Variants in KCNJ6 observed in about 807,000 individuals in gnomAD.
KCNJ6 encodes potassium inwardly rectifying channel subfamily J member 6.
In KCNJ6, 9 loss-of-function variants were observed where a neutral mutation model predicts 34.2. The observed-to-expected ratio is 0.26, with a 90% CI of 0.16 to 0.46. The LOEUF is 0.46. Ranked by LOEUF, KCNJ6 falls within the 20% of genes least tolerant of loss-of-function variation. The pLI is 1.00. For missense variants in KCNJ6, 236 were observed against 531.3 expected (o/e 0.44, Z 5.46); for synonymous variants, 196 against 207.1 (o/e 0.95, Z 0.46).
chr21:37,764,312 C>T (rs562452395), intron 2 of KCNJ6, among the ~76,000 whole-genome samples: 4 of 151,596 alleles, frequency 2.6e-5, no homozygotes, highest in African/African-American at 9.7e-5. Flanking sequence ...GGAAGCATGA[C>T]AGATGGAGGG....
chr21:37,912,898 T>G (rs1023662775), intron 1 of KCNJ6, among the ~76,000 whole-genome samples: 1 of 152,194 alleles, frequency 6.6e-6, no homozygotes, highest in Non-Finnish European at 1.5e-5. Flanking sequence ...TTGTTTACCA[T>G]TAAAAATAAC....
intron 2 of KCNJ6, among the ~76,000 whole-genome samples, chr21:37,806,882 T>C (rs1306637933): frequency 2.6e-5 from 4 of 152,244 alleles, no homozygotes; most frequent in South Asian, 2.1e-4. Context: ...ATTCAGTTTT[T>C]TTCAGTGAAG....
intron 2 of KCNJ6, among the ~76,000 whole-genome samples, chr21:37,798,064 G>A (rs985251792): frequency 6.6e-6 from 1 of 152,208 alleles, no homozygotes; most frequent in African/African-American, 2.4e-5. Flanking sequence ...TCTATACTGA[G>A]CATTGGTGCT....
rs1278894036 is a variant in KCNJ6 at position 37,609,055 on chromosome 21, C to T, written c.*16104G>A. 6.6e-6 allele frequency: 1 copy of T among 152,184 alleles called. No individual in the cohort carries two copies. Among genetic ancestry groups the T allele is most frequent in the Admixed American group, 6.5e-5 (1 of 15,276 alleles). 9.4% of individuals were successfully genotyped at this position (152,184 alleles called of 1,614,324 possible). A position where few individuals can be genotyped will look rare whatever the true frequency, so the allele number is the denominator to read the frequency against. On this transcript the variant is annotated 3_prime_UTR_variant, in exon 4 of 4. Coordinates refer to ENST00000609713, the MANE Select transcript of KCNJ6 (RefSeq NM_002240.5). ...CTTGAAAATGGAACACTTTATTTCT[C>T]TGTAGGATGTGAGCATTTGATAAAG...
intron 1 of KCNJ6, among the ~76,000 whole-genome samples, chr21:37,850,883 T>C (rs1354079649): frequency 1.3e-5 from 2 of 152,142 alleles, no homozygotes; most frequent in Non-Finnish European, 2.9e-5. Context: ...TAGGGAAGCT[T>C]AGGGTTATGC....
At chr21:37,796,819 C>A (rs1481744446) in intron 2 of KCNJ6, among the ~76,000 whole-genome samples, 6 of 105,900 alleles carry the variant, frequency 5.7e-5, no homozygotes, top group African/African-American at 2.3e-4. Flanking sequence ...CGGAGTCTTG[C>A]TCTGTCGCCC....
chr21:37,636,217 C>T (rs944795091), intron 3 of KCNJ6, among the ~76,000 whole-genome samples: 2 of 152,206 alleles, frequency 1.3e-5, no homozygotes, highest in Non-Finnish European at 2.9e-5. Context: ...ATCTTCTTTA[C>T]TCACTTCAGA....
At chr21:37,827,860 C>T (rs530310267) in intron 2 of KCNJ6, among the ~76,000 whole-genome samples, 60 of 152,170 alleles carry the variant, frequency 3.9e-4, no homozygotes, top group Admixed American at 9.8e-4. Flanking sequence ...TACATATTAG[C>T]ACACATGTGC....
chr21:37,642,560 TG>T (rs1569435828), intron 3 of KCNJ6, among the ~76,000 whole-genome samples: 2 of 151,602 alleles, frequency 1.3e-5, no homozygotes, highest in Non-Finnish European at 2.9e-5. Flanking sequence ...GGTGAGGAGG[TG>T]GGAAGTCAAT....
intron 2 of KCNJ6, among the ~76,000 whole-genome samples, chr21:37,745,233 C>T (rs2054962272): frequency 6.6e-6 from 1 of 151,828 alleles, no homozygotes; most frequent in African/African-American, 2.4e-5. Flanking sequence ...TAGCTGGGAC[C>T]ACAGGTGTGC....
intron 3 of KCNJ6, among the ~76,000 whole-genome samples, chr21:37,696,680 T>C (rs1472918098): frequency 6.6e-6 from 1 of 152,194 alleles, no homozygotes; most frequent in Non-Finnish European, 1.5e-5. Flanking sequence ...TCAGATTAGA[T>C]ATAGTAGCAT....
intron 3 of KCNJ6, among the ~76,000 whole-genome samples, chr21:37,628,812 G>T (rs2054321794): frequency 1.3e-5 from 2 of 152,144 alleles, no homozygotes; most frequent in Admixed American, 1.3e-4. Context: ...CTCATTACAT[G>T]CAAGTGATTT....
intron 3 of KCNJ6, among the ~76,000 whole-genome samples, chr21:37,670,908 GT>G (rs34400796): frequency 0.98 from 148,880 of 152,322 alleles, 72,797 homozygotes; most frequent in East Asian, 1. Context: ...CACTTCCTTG[GT>G]TTGAACTTAG....
chr21:37,761,736 CGTGT>C (rs769953879), intron 2 of KCNJ6, among the ~76,000 whole-genome samples: 1 of 143,896 alleles, frequency 6.9e-6, no homozygotes, highest in Non-Finnish European at 1.5e-5. Flanking sequence ...TGGTGTGTGT[CGTGT>C]GTGTGGTATG....
chr21:37,860,833 A>G (rs2123602045), intron 1 of KCNJ6, among the ~76,000 whole-genome samples: 1 of 152,142 alleles, frequency 6.6e-6, no homozygotes. Context: ...TCACTTCCCA[A>G]TGTTTTCCCT....
At chr21:37,809,201 A>C (rs926555895) in intron 2 of KCNJ6, among the ~76,000 whole-genome samples, 12 of 152,330 alleles carry the variant, frequency 7.9e-5, no homozygotes, top group East Asian at 1.9e-4. Context: ...AGCCATAAAA[A>C]ATGATGAGTT....
chr21:37,683,906 A>G (rs766856197), intron 3 of KCNJ6, among the ~76,000 whole-genome samples: 4 of 152,198 alleles, frequency 2.6e-5, no homozygotes, highest in Non-Finnish European at 5.9e-5. Flanking sequence ...AGTGGGCAGG[A>G]GGCCAGGCAT....
Position 37,863,846 on chromosome 21 carries a change from G to GTTTTTTTT in KCNJ6, c.-27-23145_-27-23138dup, listed in dbSNP as rs772060420. 2.4e-3 allele frequency among the ~76,000 whole-genome samples: 230 copies of GTTTTTTTT among 97,030 alleles called. 38 individuals are homozygous for GTTTTTTTT. Among genetic ancestry groups the GTTTTTTTT allele is most frequent in the African/African-American group, 4.2e-3 (98 of 23,070 alleles). 63.7% of individuals were successfully genotyped at this position (97,030 alleles called of 152,430 possible). A position where few individuals can be genotyped will look rare whatever the true frequency, so the allele number is the denominator to read the frequency against. On this transcript the variant is annotated intron_variant, in intron 1 of 3. Coordinates refer to ENST00000609713, the MANE Select transcript of KCNJ6 (RefSeq NM_002240.5). ...CTTTAAGCAATTTTAAAATATAAAG[G>GTTTTTTTT]TTTTTTTTTTTTTGTTTTTTTTTTT...
At chr21:37,870,259 CAGAT>C (rs1171054303) in intron 1 of KCNJ6, among the ~76,000 whole-genome samples, 3 of 116,664 alleles carry the variant, frequency 2.6e-5, no homozygotes, top group African/African-American at 9.9e-5. Context: ...CTGCTGAAAA[CAGAT>C]AGGCACATGG....
Sources: allele counts gnomAD v4.1 joint callset (sites outside exome capture counted in the v4.1 genomes callset), GRCh38; gene constraint gnomAD v4.1.1; transcripts MANE v1.5; gene names NCBI Gene and HGNC (gene_info 2026-07-23, HGNC 2026-07-21).